The following TMTC2 variants were observed in gnomAD, a reference collection of about 807,000 sequenced individuals.
The protein encoded by TMTC2 is transmembrane O-mannosyltransferase targeting cadherins 2.
TMTC2 carries 43 observed loss-of-function variants against 82.4 expected under a neutral mutation model. That is an observed-to-expected ratio of 0.52 (90% CI 0.41 to 0.67). TMTC2 has a LOEUF of 0.67. Among genes scored for constraint, TMTC2 ranks in the 30% least tolerant of loss-of-function variants. TMTC2 has a pLI of 0.00. For synonymous variants in TMTC2, 408 were observed against 381.9 expected, an observed-to-expected ratio of 1.07 and a Z score of -0.80; for missense variants, 919 against 1,012.4, an observed-to-expected ratio of 0.91 and a Z score of 1.25.
chr12:82,918,455 T>C (rs901746267), intron 3 of TMTC2, among the ~76,000 whole-genome samples: 1 of 152,120 alleles, frequency 6.6e-6, no homozygotes, highest in African/African-American at 2.4e-5. Context: ...GGCAGATTCT[T>C]ACATAGAACT....
chr12:82,815,674 T>G lies in TMTC2; in HGVS notation c.84-41336T>G, dbSNP rs1392015063. On this transcript the variant is annotated intron_variant, in intron 1 of 11. Coordinates refer to ENST00000321196, the MANE Select transcript of TMTC2 (RefSeq NM_152588.3). ...TTTATTTTTTTATTTTTATTTTGGC[T>G]TATTTTATCCCAGTAAGAAGCAGGA... Among the ~76,000 whole-genome samples the G allele has an allele frequency of 3.3e-5, 5 of 152,196 alleles. No homozygotes were observed. The East Asian group carries it at 9.6e-4, about 29-fold the overall frequency.
chr12:82,693,925 G>A (rs1012107650), intron 1 of TMTC2, among the ~76,000 whole-genome samples: 5 of 131,124 alleles, frequency 3.8e-5, no homozygotes, highest in African/African-American at 5.9e-5. Flanking sequence ...CCAAGATCGC[G>A]CCACCATACT....
At chr12:82,739,147 T>TAA (rs59846972) in intron 1 of TMTC2, among the ~76,000 whole-genome samples, 11 of 139,334 alleles carry the variant, frequency 7.9e-5, no homozygotes, top group African/African-American at 2.4e-4. Flanking sequence ...GACTCTGTCT[T>TAA]AAAAAAAAAA....
At chr12:82,769,025 T>G (rs553752819) in intron 1 of TMTC2, among the ~76,000 whole-genome samples, 173 of 151,538 alleles carry the variant, frequency 1.1e-3, no homozygotes, top group South Asian at 1.7e-3. Flanking sequence ...ACACACTGTC[T>G]GCAGGCAAGC....
At chr12:82,791,076 C>T (rs79924809) in intron 1 of TMTC2, among the ~76,000 whole-genome samples, 2,182 of 152,138 alleles carry the variant, frequency 0.014, 49 homozygotes, top group African/African-American at 0.049. Context: ...GCTTTTCCTT[C>T]ATGGAAACAT....
intron 1 of TMTC2, among the ~76,000 whole-genome samples, chr12:82,804,084 T>C (rs994703064): frequency 4.6e-5 from 7 of 151,924 alleles, no homozygotes; most frequent in Non-Finnish European, 1.0e-4. Context: ...TCAAAGAAAA[T>C]AGGGTTAAAA....
At chr12:82,753,559 A>T (rs1424428023) in intron 1 of TMTC2, among the ~76,000 whole-genome samples, 1 of 152,208 alleles carries the variant, frequency 6.6e-6, no homozygotes, top group Admixed American at 6.5e-5. Flanking sequence ...ACTGATTAGG[A>T]AGACAGTTAT....
At chr12:82,745,833 G>T (rs532182535) in intron 1 of TMTC2, among the ~76,000 whole-genome samples, 118 of 152,304 alleles carry the variant, frequency 7.7e-4, no homozygotes, top group South Asian at 2.3e-3. Context: ...GAGCATCGAG[G>T]AATATAATGC....
At position 83,054,790 on chromosome 12, in the gene TMTC2, A is replaced by G. The variant is rs529603534; in HGVS notation, c.2267+3772A>G. On this transcript the variant is annotated intron_variant, in intron 10 of 11. Coordinates refer to ENST00000321196, the MANE Select transcript of TMTC2 (RefSeq NM_152588.3). ...AAGAGCATAGAGTAGATAAAGAATT[A>G]TCCAGAGATAGAGAAAATTTCCAAA... is the stretch of plus-strand genomic sequence containing the variant. 6.5e-4 allele frequency among the ~76,000 whole-genome samples: 99 copies of G among 152,080 alleles called. 3 individuals carry two copies. The South Asian group carries it at 0.02, about 31-fold the overall frequency.
intron 1 of TMTC2, among the ~76,000 whole-genome samples, chr12:82,694,257 T>G (rs1005115992): frequency 6.6e-6 from 1 of 152,194 alleles, no homozygotes; most frequent in Non-Finnish European, 1.5e-5. Context: ...GAGATAATTA[T>G]TTTAAAGATG....
chr12:82,998,768 A>C (rs1879786506), intron 8 of TMTC2, among the ~76,000 whole-genome samples: 1 of 152,238 alleles, frequency 6.6e-6, no homozygotes, highest in Non-Finnish European at 1.5e-5. Flanking sequence ...TTATCTTATG[A>C]ATTTATTTGT....
intron 1 of TMTC2, chr12:82,760,778 C>T (rs1035795765): frequency 9.7e-6 from 3 of 310,872 alleles, no homozygotes; most frequent in South Asian, 5.0e-5. Context: ...GGTGCAAACC[C>T]TGCTGTGAAC....
rs374532592 is a variant in TMTC2, at chr12:82,696,964, G to GTGTATATATATATATATATA, written c.83+9296_83+9297insGTATATATATATATATATAT. Among the ~76,000 whole-genome samples the GTGTATATATATATATATATA allele has an allele frequency of 9.7e-3, 1,373 of 141,426 alleles. 18 individuals carry two copies. Among genetic ancestry groups the GTGTATATATATATATATATA allele is most frequent in the South Asian group, 0.024 (106 of 4,334 alleles). The allele number at this position is 141,426 out of a possible 152,430, so 92.8% of individuals were successfully genotyped here. On this transcript the variant is annotated intron_variant, in intron 1 of 11. Transcript: ENST00000321196. ...GCTCTCTTTCTACATACATACATAC[G>GTGTATATATATATATATATA]TATATATATATATATATATGTTTCT...
chr12:82,752,147 C>CAT (rs58427886), intron 1 of TMTC2, among the ~76,000 whole-genome samples: 120,863 of 137,868 alleles, frequency 0.88, 55,596 homozygotes, highest in South Asian at 0.98. Flanking sequence ...TTGGAAGCTC[C>CAT]TTTTTTTTTT....
At chr12:82,765,015 C>T (rs1876872171) in intron 1 of TMTC2, among the ~76,000 whole-genome samples, 1 of 151,798 alleles carries the variant, frequency 6.6e-6, no homozygotes, top group Non-Finnish European at 1.5e-5. Flanking sequence ...TATCAATTTA[C>T]ATTGCCATGG....
At chr12:83,059,718 T>C (rs1882673359) in intron 10 of TMTC2, among the ~76,000 whole-genome samples, 1 of 151,780 alleles carries the variant, frequency 6.6e-6, no homozygotes, top group Admixed American at 6.6e-5. Context: ...GTAAAACCTT[T>C]TAAAAATTAA....
chr12:82,808,649 A>C (rs1879349924), intron 1 of TMTC2, among the ~76,000 whole-genome samples: 1 of 152,050 alleles, frequency 6.6e-6, no homozygotes, highest in African/African-American at 2.4e-5. Context: ...ATTGGAAGCA[A>C]AATTTGTACT....
chr12:83,097,700 A>G (rs1379074009), intron 11 of TMTC2, among the ~76,000 whole-genome samples: 1 of 152,242 alleles, frequency 6.6e-6, no homozygotes, highest in Non-Finnish European at 1.5e-5. Context: ...ATAAAACGTA[A>G]AGAGGGAGGC....
chr12:82,776,038 G>A (rs747231704), intron 1 of TMTC2, among the ~76,000 whole-genome samples: 3 of 151,924 alleles, frequency 2.0e-5, no homozygotes, highest in African/African-American at 7.3e-5. Flanking sequence ...CCCAATTTCT[G>A]GTTTTACCAA....
Sources: allele counts gnomAD v4.1 joint callset (sites outside exome capture counted in the v4.1 genomes callset), GRCh38; gene constraint gnomAD v4.1.1; transcripts MANE v1.5; gene names NCBI Gene and HGNC (gene_info 2026-07-23, HGNC 2026-07-21).